Variants in RFX4 observed in about 807,000 individuals in gnomAD.
The protein encoded by RFX4 is regulatory factor X4, also known as transcription factor RFX4.
In RFX4, 10 loss-of-function variants were observed where a neutral mutation model predicts 95.0. That is an observed-to-expected ratio of 0.11 (90% CI 0.06 to 0.18). The LOEUF is 0.18. RFX4 is among the 10% of genes least tolerant of loss of function. The probability of loss-of-function intolerance (pLI) is 1.00; values close to 1 mark genes in which losing one functional copy is unlikely to be tolerated. For missense variants in RFX4, 640 were observed against 922.0 expected (o/e 0.69, Z 3.96); for synonymous variants, 321 against 340.7 (o/e 0.94, Z 0.64).
intron 2 of RFX4, among the ~76,000 whole-genome samples, chr12:106,622,654 G>T (rs575600061): frequency 1.4e-5 from 2 of 145,814 alleles, no homozygotes; most frequent in African/African-American, 2.5e-5. Flanking sequence ...ACAGAGTCTA[G>T]CTCACTCTGT....
At chr12:106,675,380 G>A (rs910360629) in intron 4 of RFX4, among the ~76,000 whole-genome samples, 5 of 152,152 alleles carry the variant, frequency 3.3e-5, no homozygotes, top group Non-Finnish European at 5.9e-5. Context: ...TCAGTGAGCT[G>A]AGATGGTGCC....
At chr12:106,693,423 T>C (rs1465476243) in intron 7 of RFX4, among the ~76,000 whole-genome samples, 1 of 152,182 alleles carries the variant, frequency 6.6e-6, no homozygotes, top group Non-Finnish European at 1.5e-5. Context: ...TTTCTAGACA[T>C]TCTGCTAGAA....
At chr12:106,665,057 A>G (rs546688752) in intron 4 of RFX4, among the ~76,000 whole-genome samples, 3 of 152,010 alleles carry the variant, frequency 2.0e-5, no homozygotes, top group South Asian at 4.1e-4. Context: ...CTTCTGCCTT[A>G]CTGATTTCCA....
chr12:106,611,157 C>G (rs2039954312), intron 2 of RFX4, among the ~76,000 whole-genome samples: 1 of 152,138 alleles, frequency 6.6e-6, no homozygotes, highest in South Asian at 2.1e-4. Flanking sequence ...ATTTTAAAAT[C>G]AGGTTGTTTT....
chr12:106,589,381 T>C (rs190707330), intron 1 of RFX4, among the ~76,000 whole-genome samples: 1 of 152,036 alleles, frequency 6.6e-6, no homozygotes, highest in East Asian at 1.9e-4. Flanking sequence ...ACACTGAGAG[T>C]GGTGAGCACT....
intron 5 of RFX4, among the ~76,000 whole-genome samples, chr12:106,685,765 A>G (rs1028369957): frequency 6.6e-6 from 1 of 152,250 alleles, no homozygotes; most frequent in South Asian, 2.1e-4. Context: ...TCCCCTAAAC[A>G]GCTATATGAC....
At chr12:106,649,772 T>C (rs1283877980) in intron 3 of RFX4, among the ~76,000 whole-genome samples, 1 of 152,182 alleles carries the variant, frequency 6.6e-6, no homozygotes, top group Non-Finnish European at 1.5e-5. Flanking sequence ...TTTTCACCCT[T>C]AACTGTCCTC....
chr12:106,605,716 A>G (rs1055104327), intron 1 of RFX4, among the ~76,000 whole-genome samples: 2 of 152,210 alleles, frequency 1.3e-5, no homozygotes, highest in African/African-American at 4.8e-5. Context: ...GGTGAAACAA[A>G]TGTGGTTCTT....
chr12:106,583,560 G>A (rs1414094681), intron 1 of RFX4, 197 bp downstream of exon 1: 2 of 474,100 alleles, frequency 4.2e-6, no homozygotes, highest in Non-Finnish European at 3.6e-6. Flanking sequence ...GTGTATAAGC[G>A]TGTGATTGTG....
intron 16 of RFX4, among the ~76,000 whole-genome samples, chr12:106,749,211 G>A (rs1166829656): frequency 4.0e-5 from 6 of 149,566 alleles, no homozygotes; most frequent in Admixed American, 2.0e-4. Flanking sequence ...AGCTGAGATC[G>A]CGCCACTGCA....
chr12:106,597,278 C>G (rs1182936125), intron 1 of RFX4, among the ~76,000 whole-genome samples: 2 of 152,010 alleles, frequency 1.3e-5, no homozygotes, highest in African/African-American at 4.8e-5. Flanking sequence ...AATTGAGGCC[C>G]ATGAGGTTAA....
intron 15 of RFX4, among the ~76,000 whole-genome samples, chr12:106,736,868 TACTC>T (rs2042718267): frequency 6.6e-6 from 1 of 152,128 alleles, no homozygotes; most frequent in Non-Finnish European, 1.5e-5. Flanking sequence ...CCTCTCACAC[TACTC>T]ACTAAGTCTC....
intron 8 of RFX4, among the ~76,000 whole-genome samples, chr12:106,702,609 A>AAGCCCTGTG (rs763626104): frequency 2.0e-5 from 3 of 152,194 alleles, no homozygotes; most frequent in Non-Finnish European, 4.4e-5. Context: ...AGTCTTAAGC[A>AAGCCCTGTG]AGCCCTGTGC....
At position 106,686,923 on chromosome 12, in the gene RFX4, A is replaced by G. The variant is rs750162148; in HGVS notation, c.417A>G (p.Gln139=). The G allele has an allele frequency of 6.2e-7, 1 of 1,613,576 alleles. No homozygotes were observed. The highest frequency in any genetic ancestry group is 8.5e-7 in the Non-Finnish European group (1 of 1,179,916). Residue 139 remains glutamine (Q), a synonymous_variant, in exon 6 of 18, where the codon CAA becomes CAG. Transcript: ENST00000392842. ...YYGIAVKESS[Q]YYDVMYSKKG... ...GCATTGCAGTGAAAGAAAGCTCCCA[A>G]TATTATGATGTGATGTATTCCAAGA...
intron 1 of RFX4, among the ~76,000 whole-genome samples, chr12:106,602,251 T>G (rs574920076): frequency 3.3e-5 from 5 of 152,186 alleles, no homozygotes; most frequent in African/African-American, 1.2e-4. Flanking sequence ...GCCCTGGAGG[T>G]TACTCAATAA....
At chr12:106,617,335 T>A (rs2040093243) in intron 2 of RFX4, among the ~76,000 whole-genome samples, 1 of 152,202 alleles carries the variant, frequency 6.6e-6, no homozygotes, top group African/African-American at 2.4e-5. Context: ...GGTGCTTAGA[T>A]TATTGATTTT....
chr12:106,600,511 G>GA (rs1592835928), intron 1 of RFX4, among the ~76,000 whole-genome samples: 1 of 152,118 alleles, frequency 6.6e-6, no homozygotes, highest in East Asian at 1.9e-4. Flanking sequence ...TCCCTCCTGT[G>GA]TAGCCAGCCC....
At chr12:106,760,511 C>T (rs1178394519) in intron 17 of RFX4, among the ~76,000 whole-genome samples, 1 of 152,204 alleles carries the variant, frequency 6.6e-6, no homozygotes, top group Non-Finnish European at 1.5e-5. Context: ...TTTCTCTTGA[C>T]TCCTTCCTCC....
chr12:106,592,495 T>C (rs1486629710), intron 1 of RFX4, among the ~76,000 whole-genome samples: 2 of 152,130 alleles, frequency 1.3e-5, no homozygotes, highest in African/African-American at 4.8e-5. Context: ...AGATCTGTGG[T>C]GTACTCAGAG....
Sources: allele counts gnomAD v4.1 joint callset (sites outside exome capture counted in the v4.1 genomes callset), GRCh38; gene constraint gnomAD v4.1.1; transcripts MANE v1.5; gene names NCBI Gene and HGNC (gene_info 2026-07-23, HGNC 2026-07-21).